PCDHA4: variants seen among roughly 807,000 people sequenced by gnomAD.
PCDHA4 encodes protocadherin alpha-4.
In PCDHA4, 49 loss-of-function variants were observed where a neutral mutation model predicts 61.4. That is an observed-to-expected ratio of 0.80 (90% confidence interval 0.63 to 1.01). The LOEUF is 1.01. Among genes scored for constraint, PCDHA4 ranks in the 50% least tolerant of loss-of-function variants. The probability of loss-of-function intolerance (pLI) is 0.00; values close to 1 mark genes in which losing one functional copy is unlikely to be tolerated. For missense variants in PCDHA4, 1,254 were observed against 1,235.8 expected (o/e 1.01, Z -0.22); for synonymous variants, 590 against 550.3 (o/e 1.07, Z -1.01).
At chr5:140,918,432 T>C (rs1462854272) in intron 1 of PCDHA4, among the ~76,000 whole-genome samples, 2 of 152,204 alleles carry the variant, frequency 1.3e-5, no homozygotes, top group Non-Finnish European at 2.9e-5. Context: ...GGATGTTGAA[T>C]AGGAGTGGTG....
At chr5:140,866,433 C>CTGAA (rs1217236180) in intron 1 of PCDHA4, 1 of 151,814 alleles carries the variant, frequency 6.6e-6, no homozygotes, top group Non-Finnish European at 1.5e-5. Context: ...GTCTTTCAGT[C>CTGAA]TTCTTCAGTC....
chr5:140,856,168 C>A, intron 1 of PCDHA4: 1 of 1,598,314 alleles, frequency 6.3e-7, no homozygotes, highest in Non-Finnish European at 8.6e-7. Context: ...AGGCCAGACA[C>A]GGCACCTTCG....
rs148093365 is a variant in PCDHA4 at position 140,827,932 on chromosome 5, A to T, written c.2385+18360A>T. On this transcript the variant is annotated intron_variant, in intron 1 of 3. Coordinates refer to ENST00000530339, the MANE Select transcript of PCDHA4 (RefSeq NM_018907.4). ...TGATGTCGCTGTCTACCATGAAGTT[A>T]TAGCTAGCCAACATTCAAATTTCTT... 3.9e-5 allele frequency: 40 copies of T among 1,026,454 alleles called. No individual in the cohort carries two copies. The African/African-American group carries it at 5.4e-4, about 14-fold the overall frequency. The allele number at this position is 1,026,454 out of a possible 1,614,324, so 63.6% of individuals were successfully genotyped here.
intron 1 of PCDHA4, chr5:140,884,703 A>C: frequency 1.3e-6 from 2 of 1,495,534 alleles, no homozygotes; most frequent in Non-Finnish European, 1.8e-6. Flanking sequence ...TAAACACTTT[A>C]GCCTTCCTTG....
intron 1 of PCDHA4, among the ~76,000 whole-genome samples, chr5:140,976,809 T>C (rs1563451400): frequency 6.6e-6 from 1 of 152,220 alleles, no homozygotes; most frequent in Non-Finnish European, 1.5e-5. Flanking sequence ...TATCTGAAGA[T>C]ATGCATGTGT....
In PCDHA4 at chr5:140,927,203, C is replaced by T. The variant is rs782141467; in HGVS notation, c.2386-51746C>T. ...ACCTACGACCTGGTGCTCGAGGACC[C>T]GCTGGAGCTGCACAAGATTCGGATT... On this transcript the variant is annotated intron_variant, in intron 1 of 3. Transcript: ENST00000530339. 65 of 1,614,104 alleles carry T rather than the reference C, an allele frequency of 4.0e-5. No homozygotes were observed. Among genetic ancestry groups the T allele is most frequent in the Non-Finnish European group, 5.1e-5 (60 of 1,180,040 alleles).
intron 1 of PCDHA4, chr5:140,875,414 C>A: frequency 3.3e-6 from 5 of 1,508,510 alleles, no homozygotes; most frequent in Non-Finnish European, 4.4e-6. Flanking sequence ...CATAAAATAC[C>A]TCAGGCAAGC....
chr5:140,882,935 ACTGGCACAGTTCAG>A (rs2153388631), intron 1 of PCDHA4: 1 of 1,614,238 alleles, frequency 6.2e-7, no homozygotes, highest in East Asian at 2.2e-5. Flanking sequence ...ACCCGAGCTG[ACTGGCACAGTTCAG>A]CTGCTCATCA....
At position 140,857,034 on chromosome 5, in the gene PCDHA4, T is replaced by C. The variant is rs374158544; in HGVS notation, c.2385+47462T>C. On this transcript the variant is annotated intron_variant, in intron 1 of 3. Transcript: ENST00000530339. Reference sequence around the variant, plus strand: ...GTTACAGATAAGGGAAACCCACCTATGGTTGGTCACTGCACGGTCCTAGTG... The same window carrying C: ...GTTACAGATAAGGGAAACCCACCTACGGTTGGTCACTGCACGGTCCTAGTG... The C allele has an allele frequency of 5.6e-6, 9 of 1,595,714 alleles. No homozygotes were observed. The African/African-American group carries it at 8.1e-5, about 14-fold the overall frequency.
At chr5:140,972,316 G>T (rs2096531069) in intron 1 of PCDHA4, among the ~76,000 whole-genome samples, 2 of 139,864 alleles carry the variant, frequency 1.4e-5, no homozygotes, top group South Asian at 2.3e-4. Flanking sequence ...GTTTTTAGGT[G>T]TTTTTTTTTT....
intron 1 of PCDHA4, among the ~76,000 whole-genome samples, chr5:140,898,083 A>G (rs2066516404): frequency 6.6e-6 from 1 of 151,810 alleles, no homozygotes; most frequent in South Asian, 2.1e-4. Context: ...TAGATTCTGG[A>G]TATTAGCCCT....
chr5:140,848,469 T>G, intron 1 of PCDHA4: 9 of 1,548,186 alleles, frequency 5.8e-6, no homozygotes, highest in Non-Finnish European at 7.9e-6. Context: ...CAATTTTCAC[T>G]AATTAGAAGA....
chr5:140,906,382 G>A (rs1384682039), intron 1 of PCDHA4, among the ~76,000 whole-genome samples: 2 of 152,072 alleles, frequency 1.3e-5, no homozygotes, highest in Non-Finnish European at 2.9e-5. Context: ...ATTACATAAA[G>A]TTAACATTTA....
At chr5:140,966,470 T>G (rs782674249) in intron 1 of PCDHA4, 26 of 431,180 alleles carry the variant, frequency 6.0e-5, no homozygotes, top group Non-Finnish European at 9.3e-5. Context: ...TCTTCCCTTC[T>G]GTTTCCTTTT....
rs573174481 is a variant in PCDHA4 at position 140,990,482 on chromosome 5, T to C, written c.2533+7919T>C. Among the ~76,000 whole-genome samples, 3 of 152,318 alleles carry C rather than the reference T, an allele frequency of 2.0e-5. No homozygotes were observed. In the South Asian group the frequency reaches 6.2e-4, roughly 32 times the overall value. On this transcript the variant is annotated intron_variant, in intron 3 of 3. Transcript: ENST00000530339. ...AGGTGGTATCATGTATCAAGCTGAA[T>C]AGTGAGGTGACATTCCCCAAGTCTT... is the stretch of plus-strand genomic sequence containing the variant.
chr5:140,845,193 T>C (rs1160723646), intron 1 of PCDHA4, among the ~76,000 whole-genome samples: 1 of 149,378 alleles, frequency 6.7e-6, no homozygotes, highest in Non-Finnish European at 1.5e-5. Context: ...AAAAATATGA[T>C]TGTTTTCATT....
intron 1 of PCDHA4, chr5:140,828,956 G>A: frequency 1.2e-6 from 2 of 1,614,244 alleles, no homozygotes; most frequent in Non-Finnish European, 1.7e-6. Flanking sequence ...TGCAGCCATG[G>A]TTATTGACCA....
intron 1 of PCDHA4, chr5:140,822,563 T>A: frequency 1.9e-6 from 3 of 1,613,440 alleles, no homozygotes; most frequent in Non-Finnish European, 2.5e-6. Context: ...GTTATTAAAC[T>A]GAACGCCTCA....
At chr5:140,871,254 T>A in intron 1 of PCDHA4, 1 of 1,613,952 alleles carries the variant, frequency 6.2e-7, no homozygotes, top group Non-Finnish European at 8.5e-7. Context: ...TGCTGCTGTA[T>A]ACGGCGCTGT....
Sources: allele counts gnomAD v4.1 joint callset (sites outside exome capture counted in the v4.1 genomes callset), GRCh38; gene constraint gnomAD v4.1.1; transcripts MANE v1.5; gene names NCBI Gene and HGNC (gene_info 2026-07-23, HGNC 2026-07-21).